Variants in DOCK9 observed in about 807,000 individuals in gnomAD.
The protein encoded by DOCK9 is dedicator of cytokinesis protein 9.
DOCK9 carries 89 observed loss-of-function variants against 263.3 expected under a neutral mutation model. The observed-to-expected ratio is 0.34, with a 90% CI of 0.28 to 0.40. The LOEUF is 0.40. Ranked by LOEUF, DOCK9 falls within the 10% of genes least tolerant of loss-of-function variation. The pLI, the probability that DOCK9 is intolerant of heterozygous loss-of-function variation, is 1.00. For synonymous variants in DOCK9, 976 were observed against 973.1 expected, an observed-to-expected ratio of 1.00 and a Z score of -0.06; for missense variants, 2,140 against 2,603.4, an observed-to-expected ratio of 0.82 and a Z score of 3.87.
chr13:98,814,975 TAAAATAAAATA>T (rs1324357450), intron 45 of DOCK9, among the ~76,000 whole-genome samples: 3 of 150,050 alleles, frequency 2.0e-5, no homozygotes, highest in Non-Finnish European at 4.4e-5. Context: ...TAAAATAAAA[TAAAATAAAATA>T]AAATAAAATA....
intron 1 of DOCK9, among the ~76,000 whole-genome samples, chr13:98,969,091 T>C (rs1392026206): frequency 5.9e-5 from 9 of 152,202 alleles, no homozygotes; most frequent in Admixed American, 5.9e-4. Context: ...AAAGGGGTGC[T>C]GGCTAAGAGA....
intron 1 of DOCK9, among the ~76,000 whole-genome samples, chr13:99,003,678 C>G (rs1449253190): frequency 6.6e-6 from 1 of 151,940 alleles, no homozygotes; most frequent in Non-Finnish European, 1.5e-5. Flanking sequence ...TATTTAACTG[C>G]CAAATCTCTC....
chr13:98,881,692 C>A, intron 24 of DOCK9, 65 bp from the exon 25 acceptor site: 1 of 1,473,986 alleles, frequency 6.8e-7, no homozygotes, highest in Non-Finnish European at 9.3e-7. Context: ...ATTATTATCA[C>A]AGCAGTAGTA....
At chr13:98,815,855 C>A (rs1291427956) in intron 45 of DOCK9, among the ~76,000 whole-genome samples, 1 of 152,154 alleles carries the variant, frequency 6.6e-6, no homozygotes, top group Non-Finnish European at 1.5e-5. Flanking sequence ...AGATGTAAAT[C>A]TACAATGACA....
chr13:99,053,157 C>T (rs1372248997), intron 1 of DOCK9, among the ~76,000 whole-genome samples: 2 of 152,214 alleles, frequency 1.3e-5, no homozygotes, highest in African/African-American at 2.4e-5. Context: ...CCAGCTGCCA[C>T]TGTGTTCACA....
intron 15 of DOCK9, among the ~76,000 whole-genome samples, chr13:98,889,612 C>T (rs140976535): frequency 1.3e-4 from 20 of 152,304 alleles, no homozygotes; most frequent in South Asian, 4.1e-4. Flanking sequence ...TCTGATTCAG[C>T]GGTTTTGACA....
intron 39 of DOCK9, among the ~76,000 whole-genome samples, chr13:98,834,037 T>C (rs1305114111): frequency 6.6e-6 from 1 of 152,258 alleles, no homozygotes; most frequent in Non-Finnish European, 1.5e-5. Flanking sequence ...GTAAATGACA[T>C]ATTAGAATAA....
At chr13:98,820,089 G>T (rs1417137343) in intron 45 of DOCK9, among the ~76,000 whole-genome samples, 1 of 152,126 alleles carries the variant, frequency 6.6e-6, no homozygotes, top group South Asian at 2.1e-4. Context: ...CGCTTCCTAG[G>T]GAAAATGCAA....
chr13:99,003,272 T>C (rs1882729678), intron 1 of DOCK9, among the ~76,000 whole-genome samples: 1 of 152,224 alleles, frequency 6.6e-6, no homozygotes, highest in Admixed American at 6.5e-5. Flanking sequence ...TGGCATTTAT[T>C]TCTTTAGCTA....
At chr13:98,860,801 T>C (rs1444792448) in intron 32 of DOCK9, among the ~76,000 whole-genome samples, 4 of 152,202 alleles carry the variant, frequency 2.6e-5, no homozygotes, top group African/African-American at 7.2e-5. Context: ...TGCTAACACC[T>C]TTCCCTTTCC....
chr13:99,059,098 C>T (rs2041065709), intron 1 of DOCK9, among the ~76,000 whole-genome samples: 1 of 152,210 alleles, frequency 6.6e-6, no homozygotes, highest in Admixed American at 6.5e-5. Context: ...CTCCTCTACA[C>T]ACTCACCACT....
In DOCK9 at chr13:98,794,722, G is replaced by T; in HGVS notation, c.6183C>A (p.Ser2061Arg). Residue 2061 changes from serine to arginine, a missense_variant, in exon 53 of 53, where the codon AGC (serine) becomes AGA (arginine). This residue lies in a region of DOCK9 where 619 missense variants were observed against 861.8 expected (regional missense o/e 0.72). Coordinates refer to ENST00000682017, the MANE Select transcript of DOCK9 (RefSeq NM_001366683.2). ...EQICPLEEKT[S>R]VLPNSLHIFN... ...AGATGTGAAGGGAATTCGGTAAGAC[G>T]CTCGTCTTCTCCTCCAGGGGGCAGA... 4 of 1,613,924 alleles carry T rather than the reference G, an allele frequency of 2.5e-6. No individual in the cohort carries two copies. The highest frequency in any genetic ancestry group is 3.4e-6 in the Non-Finnish European group (4 of 1,179,860).
At chr13:98,872,445 C>T (rs1372960987) in intron 27 of DOCK9, among the ~76,000 whole-genome samples, 4 of 151,168 alleles carry the variant, frequency 2.6e-5, no homozygotes, top group East Asian at 1.9e-4. Context: ...CTCACTCTGT[C>T]GCCCAGGCTG....
At chr13:99,001,394 G>T (rs1420645422) in intron 1 of DOCK9, among the ~76,000 whole-genome samples, 2 of 152,204 alleles carry the variant, frequency 1.3e-5, no homozygotes, top group Admixed American at 1.3e-4. Context: ...CAATCTAAAT[G>T]GAGAGAGTAT....
chr13:98,906,493 A>G (rs2049117436), intron 9 of DOCK9, among the ~76,000 whole-genome samples: 1 of 152,136 alleles, frequency 6.6e-6, no homozygotes. Context: ...TGAGCTCTCC[A>G]CTACTCTCAG....
At chr13:99,062,991 A>G (rs1023257301) in intron 1 of DOCK9, among the ~76,000 whole-genome samples, 1 of 152,220 alleles carries the variant, frequency 6.6e-6, no homozygotes, top group Admixed American at 6.5e-5. Flanking sequence ...TCTTTTGAAG[A>G]AAGACAAACC....
rs182452824 is a variant in DOCK9 at position 99,058,096 on chromosome 13, C to T, written c.129+28127G>A. On this transcript the variant is annotated intron_variant, in intron 1 of 32. Transcript: ENST00000427887. The stretch of plus-strand genomic sequence containing the variant: ...ACAAACCAAGAAAAATATGAAATGT[C>T]CCAACTTCAAAAACACCCAGGCCTG... 5.3e-3 allele frequency among the ~76,000 whole-genome samples: 798 copies of T among 151,828 alleles called. 4 individuals carry two copies. The highest frequency in any genetic ancestry group is 0.018 in the African/African-American group (746 of 41,372).
chr13:98,922,177 C>T (rs2052134610), intron 5 of DOCK9, 31 bp from the exon 6 acceptor site: 2 of 1,516,636 alleles, frequency 1.3e-6, no homozygotes, highest in African/African-American at 1.4e-5. Context: ...CAGCAGTCAA[C>T]CTCCCGTTAT....
intron 2 of DOCK9, among the ~76,000 whole-genome samples, chr13:98,945,106 A>G (rs939382459): frequency 7.2e-5 from 11 of 152,214 alleles, no homozygotes; most frequent in African/African-American, 2.7e-4. Flanking sequence ...CAATATTTCT[A>G]ATAAGAAAGC....
Sources: allele counts gnomAD v4.1 joint callset (sites outside exome capture counted in the v4.1 genomes callset), GRCh38; gene constraint gnomAD v4.1.1; regional missense constraint gnomAD v4.1.1; transcripts MANE v1.5; gene names NCBI Gene and HGNC (gene_info 2026-07-23, HGNC 2026-07-21).